BTBD9: variants seen among roughly 807,000 people sequenced by gnomAD.
The protein encoded by BTBD9 is BTB/POZ domain-containing protein 9.
A neutral mutation model predicts 64.3 loss-of-function variants in BTBD9; 49 were observed. The observed-to-expected ratio is 0.76, with a 90% CI of 0.61 to 0.97. The LOEUF (loss-of-function observed/expected upper bound fraction) is 0.97, where lower values mean the gene tolerates loss of function less well. BTBD9 is among the 50% of genes least tolerant of loss of function. The pLI is 0.00. For synonymous variants in BTBD9, 260 were observed against 274.7 expected (o/e 0.95, Z 0.53); for missense variants, 598 against 762.1 (o/e 0.78, Z 2.53).
intron 9 of BTBD9, among the ~76,000 whole-genome samples, chr6:38,222,254 GTTGT>G (rs1763224380): frequency 1.0e-5 from 1 of 96,702 alleles, no homozygotes; most frequent in African/African-American, 4.1e-5. Context: ...AATTCATTCA[GTTGT>G]TTTTTTTTTT....
intron 6 of BTBD9, among the ~76,000 whole-genome samples, chr6:38,522,949 G>A (rs977804172): frequency 6.6e-6 from 1 of 152,166 alleles, no homozygotes. Context: ...TTGGGAAGCT[G>A]AGGCGGGTGG....
At chr6:38,498,474 A>AC (rs1428179391) in intron 6 of BTBD9, among the ~76,000 whole-genome samples, 3 of 151,716 alleles carry the variant, frequency 2.0e-5, no homozygotes, top group African/African-American at 7.3e-5. Flanking sequence ...AAAAAAAAAA[A>AC]ACAAGGCAAG....
At chr6:38,543,120 C>A (rs1467603511) in intron 6 of BTBD9, among the ~76,000 whole-genome samples, 1 of 152,208 alleles carries the variant, frequency 6.6e-6, no homozygotes, top group Admixed American at 6.5e-5. Context: ...TCTTTCTTGT[C>A]CTTGTTACCA....
At chr6:38,592,870 T>G (rs1459280847) in intron 3 of BTBD9, 30 bp from the exon 4 acceptor site, 1 of 1,607,228 alleles carries the variant, frequency 6.2e-7, no homozygotes, top group South Asian at 1.1e-5. Flanking sequence ...AAAATTCCAG[T>G]TATATGAAGT....
intron 6 of BTBD9, among the ~76,000 whole-genome samples, chr6:38,438,981 C>T (rs2127308855): frequency 6.6e-6 from 1 of 152,194 alleles, no homozygotes; most frequent in Admixed American, 6.5e-5. Flanking sequence ...AAGTCTATCC[C>T]TTGTGTGTTC....
chr6:38,470,860 GA>G (rs1436502963), intron 6 of BTBD9, among the ~76,000 whole-genome samples: 2 of 152,224 alleles, frequency 1.3e-5, no homozygotes, highest in Admixed American at 1.3e-4. Context: ...GTATCAACTG[GA>G]AAGTGCCACC....
Position 38,174,918 on chromosome 6 carries a change from C to T in BTBD9, c.*67G>A. On this transcript the variant is annotated 3_prime_UTR_variant, in exon 11 of 11. Coordinates refer to ENST00000481247, the MANE Select transcript of BTBD9 (RefSeq NM_001099272.2). Reference sequence around the variant, plus strand: ...TGGGGGCAGTCAACAGAGACCCCTGCTCAGGGAGGAGACCGTTTCCTGCCG... The same window carrying T: ...TGGGGGCAGTCAACAGAGACCCCTGTTCAGGGAGGAGACCGTTTCCTGCCG... The T allele has an allele frequency of 1.3e-6, 2 of 1,577,632 alleles. No homozygotes were observed. Among genetic ancestry groups the T allele is most frequent in the Admixed American group, 3.4e-5 (2 of 58,428 alleles).
At position 38,564,391 on chromosome 6, in the gene BTBD9, G is replaced by GA. The variant is rs561996393; in HGVS notation, c.1154+13208dup. Among the ~76,000 whole-genome samples, 568 of 152,158 alleles carry GA rather than the reference G, an allele frequency of 3.7e-3. 6 individuals are homozygous for GA. Among genetic ancestry groups the GA allele is most frequent in the African/African-American group, 0.013 (538 of 41,516 alleles). ...AGTATGTTTTTGTTGAATAAATGAG[G>GA]AAAAAATACTTTTATTTCATTGAGG... On this transcript the variant is annotated intron_variant, in intron 6 of 10. Transcript: ENST00000481247.
At chr6:38,555,353 A>G (rs771602139) in intron 6 of BTBD9, among the ~76,000 whole-genome samples, 35 of 152,244 alleles carry the variant, frequency 2.3e-4, no homozygotes, top group Admixed American at 7.9e-4. Context: ...TCATTATTCC[A>G]GAACAACAAT....
At chr6:38,318,819 G>C (rs968054851) in intron 7 of BTBD9, among the ~76,000 whole-genome samples, 4 of 152,240 alleles carry the variant, frequency 2.6e-5, no homozygotes, top group Admixed American at 6.5e-5. Flanking sequence ...TCAGCAGGTA[G>C]TGAAGCCAGC....
chr6:38,482,188 C>A (rs1450127176), intron 6 of BTBD9: 2 of 152,236 alleles, frequency 1.3e-5, no homozygotes, highest in Non-Finnish European at 2.9e-5. Flanking sequence ...TACTCTTGCC[C>A]GAAGCCCTCT....
chr6:38,470,468 CA>C (rs1770601073), intron 6 of BTBD9, among the ~76,000 whole-genome samples: 2 of 152,282 alleles, frequency 1.3e-5, no homozygotes, highest in South Asian at 4.2e-4. Flanking sequence ...GAATTGCACA[CA>C]ATGTCCTGTC....
intron 6 of BTBD9, among the ~76,000 whole-genome samples, chr6:38,484,473 A>G (rs1433339716): frequency 6.6e-6 from 1 of 152,246 alleles, no homozygotes; most frequent in African/African-American, 2.4e-5. Flanking sequence ...ACAAAAAGAG[A>G]TAACAGTAAT....
intron 4 of BTBD9, among the ~76,000 whole-genome samples, chr6:38,589,831 G>A (rs1370649621): frequency 6.6e-6 from 1 of 152,116 alleles, no homozygotes; most frequent in East Asian, 1.9e-4. Context: ...TGGATCCATA[G>A]GAAAGCTCTC....
intron 9 of BTBD9, among the ~76,000 whole-genome samples, chr6:38,199,514 C>A (rs1762384376): frequency 6.6e-6 from 1 of 152,048 alleles, no homozygotes; most frequent in Admixed American, 6.5e-5. Context: ...AGCTTATGTT[C>A]TAATGGGAAG....
intron 6 of BTBD9, among the ~76,000 whole-genome samples, chr6:38,544,927 C>CAAAAAAAAAAAAAAAAAAAAAAAAAA (rs58694810): frequency 2.1e-5 from 1 of 48,284 alleles, no homozygotes; most frequent in Non-Finnish European, 3.7e-5. Flanking sequence ...AACTACATCT[C>CAAAAAAAAAAAAAAAAAAAAAAAAAA]AAAAAAAAAA....
chr6:38,337,224 T>C (rs1190214189), intron 7 of BTBD9, among the ~76,000 whole-genome samples: 2 of 152,256 alleles, frequency 1.3e-5, no homozygotes, highest in Non-Finnish European at 2.9e-5. Context: ...ACATTCACTT[T>C]ACTAAACACA....
At chr6:38,468,307 CTA>C (rs1425280300) in intron 6 of BTBD9, among the ~76,000 whole-genome samples, 1 of 152,216 alleles carries the variant, frequency 6.6e-6, no homozygotes, top group Non-Finnish European at 1.5e-5. Context: ...TGACCCCAAC[CTA>C]TATATCAACC....
chr6:38,379,062 C>A (rs1765814179), intron 6 of BTBD9, among the ~76,000 whole-genome samples: 3 of 151,924 alleles, frequency 2.0e-5, no homozygotes, highest in South Asian at 2.1e-4. Context: ...TCCAGGCATA[C>A]CAAGATATAT....
Sources: allele counts gnomAD v4.1 joint callset (sites outside exome capture counted in the v4.1 genomes callset), GRCh38; gene constraint gnomAD v4.1.1; transcripts MANE v1.5; gene names NCBI Gene and HGNC (gene_info 2026-07-23, HGNC 2026-07-21).